GON4L: variants seen among roughly 807,000 people sequenced by gnomAD.
GON4L encodes the protein GON-4-like protein.
A neutral mutation model predicts 211.8 loss-of-function variants in GON4L; 87 were observed. The ratio of observed to expected loss-of-function variants is 0.41; its 90% CI spans 0.35 to 0.49. GON4L has a LOEUF of 0.49. Ranked by LOEUF, GON4L falls within the 20% of genes least tolerant of loss-of-function variation. The probability of loss-of-function intolerance (pLI) is 0.15; values close to 1 mark genes in which losing one functional copy is unlikely to be tolerated. For missense variants in GON4L, 2,155 were observed against 2,659.5 expected, an observed-to-expected ratio of 0.81 and a Z score of 4.17; for synonymous variants, 875 against 962.6, an observed-to-expected ratio of 0.91 and a Z score of 1.68.
At chr1:155,788,178 C>T (rs923406782) in intron 12 of GON4L, among the ~76,000 whole-genome samples, 5 of 151,672 alleles carry the variant, frequency 3.3e-5, no homozygotes, top group Non-Finnish European at 7.4e-5. Context: ...GTTTTAGTAG[C>T]GACGGTGTTT....
intron 2 of GON4L, among the ~76,000 whole-genome samples, chr1:155,838,963 A>G (rs1670546407): frequency 6.6e-6 from 1 of 151,934 alleles, no homozygotes; most frequent in African/African-American, 2.4e-5. Flanking sequence ...AAAATAAAAA[A>G]TTTTAAAAAC....
chr1:155,762,137 G>A (rs1019268649), intron 23 of GON4L, 53 bp downstream of exon 23: 1 of 1,379,390 alleles, frequency 7.2e-7, no homozygotes. Context: ...CTCCCTTGAA[G>A]AAGCAGCCAC....
upstream of GON4L, among the ~76,000 whole-genome samples, chr1:155,857,973 T>G (rs1307168576): frequency 6.6e-6 from 1 of 152,208 alleles, no homozygotes; most frequent in Non-Finnish European, 1.5e-5. Context: ...CACAATAGAC[T>G]GTAAGATTAT....
At chr1:155,808,160 C>T (rs1201024912) in intron 10 of GON4L, among the ~76,000 whole-genome samples, 3 of 151,978 alleles carry the variant, frequency 2.0e-5, no homozygotes, top group Non-Finnish European at 4.4e-5. Flanking sequence ...CCTCAGCCTC[C>T]TAAGTAACTG....
At position 155,757,258 on chromosome 1, in the gene GON4L, G is replaced by C; in HGVS notation, c.5319C>G (p.Phe1773Leu). 1 of 1,613,974 alleles carries C rather than the reference G, an allele frequency of 6.2e-7. No individual in the cohort carries two copies. The highest frequency in any genetic ancestry group is 8.5e-7 in the Non-Finnish European group (1 of 1,179,876). ...TAGCTGCTGGGCGCAAGTGGTCAAA[G>C]AAGATAGAAAACTCATCCTGCAGGT... ...HDHLQDEFSI[F>L]FDHLRPAASR... is the part of the protein sequence containing the mutation. The change falls in exon 26 of 32, where the codon TTC (phenylalanine) becomes TTG (leucine). Residue 1773 changes from phenylalanine (F) to leucine (L), a missense_variant. By Grantham distance (22) the Phe-to-Leu change is conservative (BLOSUM62 0). This residue lies in a region of GON4L where 455 missense variants were observed against 504.6 expected (regional missense o/e 0.90). Coordinates refer to ENST00000368331, the MANE Select transcript of GON4L (RefSeq NM_001282860.2).
At chr1:155,781,958 T>C (rs749356136) in intron 14 of GON4L, among the ~76,000 whole-genome samples, 85 of 152,262 alleles carry the variant, frequency 5.6e-4, no homozygotes, top group Non-Finnish European at 9.0e-4. Context: ...GGTTTCACCA[T>C]GTTGACCAGG....
At chr1:155,816,827 A>T (rs1668294475) in intron 6 of GON4L, among the ~76,000 whole-genome samples, 1 of 141,124 alleles carries the variant, frequency 7.1e-6, no homozygotes, top group East Asian at 2.2e-4. Context: ...GCAAAGTTTC[A>T]TGTTGTCCAC....
intron 3 of GON4L, among the ~76,000 whole-genome samples, chr1:155,825,888 C>T (rs1478029684): frequency 1.3e-5 from 2 of 151,560 alleles, no homozygotes; most frequent in Non-Finnish European, 2.9e-5. Flanking sequence ...ACAAAAAATA[C>T]AAAAATTAGC....
At chr1:155,816,344 A>G in intron 6 of GON4L, 82 bp from the exon 7 acceptor site, 2 of 722,826 alleles carry the variant, frequency 2.8e-6, no homozygotes, top group Non-Finnish European at 5.1e-6. Context: ...TACCATCACT[A>G]ACAGCCATAT....
At chr1:155,859,133 A>C (rs538536186), upstream of GON4L, among the ~76,000 whole-genome samples, 1 of 152,278 alleles carries the variant, frequency 6.6e-6, no homozygotes, top group South Asian at 2.1e-4. Flanking sequence ...AATAACCTTT[A>C]GCGGTCTCAG....
Position 155,753,244 on chromosome 1 carries a change from C to A in GON4L, c.5802G>T (p.Arg1934Ser). ...ERESTEATQS[R>S]TVRTTRKGEM... ...CTCCCTTTCTGGTGGTCCTGACAGT[C>A]CTGCTCTGGGTGGCCTCAGTGCTCT... Residue 1934 changes from arginine to serine, a missense_variant, in exon 29 of 32, where the codon AGG (arginine) becomes AGT (serine). Arg to Ser is a moderately radical substitution (Grantham distance 110). Transcript: ENST00000368331. 6.2e-7 allele frequency: 1 copy of A among 1,613,898 alleles called. No individual in the cohort carries two copies. The highest frequency in any genetic ancestry group is 8.5e-7 in the Non-Finnish European group (1 of 1,179,860).
intron 8 of GON4L, 100 bp from the exon 9 acceptor site, chr1:155,814,549 C>T: frequency 8.0e-7 from 1 of 1,249,690 alleles, no homozygotes; most frequent in Non-Finnish European, 1.2e-6. Context: ...ATCAATCACT[C>T]AGCCTGGCCA....
chr1:155,786,539 A>AAG (rs1664961551), intron 12 of GON4L, among the ~76,000 whole-genome samples: 1 of 152,008 alleles, frequency 6.6e-6, no homozygotes, highest in African/African-American at 2.4e-5. Flanking sequence ...TTAAAAAAAA[A>AAG]AGAGAGAGAG....
At chr1:155,754,535 T>G (rs540429068) in intron 27 of GON4L, 47 bp from the exon 28 acceptor site, 30 of 1,182,390 alleles carry the variant, frequency 2.5e-5, no homozygotes, top group South Asian at 2.6e-5. Context: ...TTTTTTTTTT[T>G]TTTTTTTTTT....
At chr1:155,751,737 T>G in intron 31 of GON4L, 30 bp downstream of exon 31, 1 of 1,413,534 alleles carries the variant, frequency 7.1e-7, no homozygotes, top group Non-Finnish European at 9.9e-7. Flanking sequence ...GACCTCTTTT[T>G]GCCAGGTCTT....
rs149688057 is a variant in GON4L, at chr1:155,766,322, T to A, written c.3151A>T (p.Thr1051Ser). Reference protein sequence around the residue: ...HPIQPATVLQTVPGVPPLGVS... With the variant: ...HPIQPATVLQSVPGVPPLGVS... The stretch of plus-strand genomic sequence containing the variant: ...CCCAGTGGAGGGACACCTGGAACTG[T>A]CTGTAAAACAGTGGCTGGCTGTATT... Residue 1051 changes from threonine to serine, a missense_variant, in exon 21 of 32, where the codon ACA becomes TCA. Thr to Ser is a moderately conservative substitution (Grantham distance 58, BLOSUM62 1). Around this residue, in one of 6 missense-constraint regions of GON4L, gnomAD observed 615 missense variants for 625.7 expected, o/e 0.98. Coordinates refer to ENST00000368331, the MANE Select transcript of GON4L (RefSeq NM_001282860.2). The A allele has an allele frequency of 8.1e-6, 13 of 1,614,092 alleles. No individual in the cohort carries two copies. The African/African-American group carries it at 1.7e-4, about 22-fold the overall frequency.
intron 11 of GON4L, among the ~76,000 whole-genome samples, chr1:155,797,271 T>A (rs1571776852): frequency 6.6e-6 from 1 of 151,878 alleles, no homozygotes; most frequent in Non-Finnish European, 1.5e-5. Flanking sequence ...TGCACCACCA[T>A]GCCCAGCTAA....
At chr1:155,787,869 G>A (rs535885757) in intron 12 of GON4L, among the ~76,000 whole-genome samples, 8 of 151,802 alleles carry the variant, frequency 5.3e-5, no homozygotes, top group Non-Finnish European at 1.0e-4. Context: ...TCTTAAACCC[G>A]GGAGGCAGAG....
At chr1:155,751,049 C>A (rs1053988163) in intron 31 of GON4L, among the ~76,000 whole-genome samples, 1 of 152,174 alleles carries the variant, frequency 6.6e-6, no homozygotes, top group African/African-American at 2.4e-5. Flanking sequence ...CAGGAATGAA[C>A]CACTGCGCCC....
Sources: gnomAD v4.1 joint callset for allele counts (sites outside exome capture counted in the v4.1 genomes callset) on GRCh38, gnomAD v4.1.1 for gene constraint, gnomAD v4.1.1 regional missense constraint, MANE v1.5 for transcripts, NCBI Gene and HGNC (gene_info 2026-07-23, HGNC 2026-07-21) for gene names.